Variants in PCYOX1 observed in about 807,000 individuals in gnomAD.
The protein encoded by PCYOX1 is prenylcysteine lyase.
Under a neutral mutation model 46.4 loss-of-function variants are expected in PCYOX1, and 46 were observed. That is an observed-to-expected ratio of 0.99 (90% CI 0.78 to 1.27). PCYOX1 has a LOEUF of 1.27. Among genes scored for constraint, PCYOX1 ranks in the 50% most tolerant of loss-of-function variants. The pLI, the probability that PCYOX1 is intolerant of heterozygous loss-of-function variation, is 0.00. For missense variants in PCYOX1, 658 were observed against 628.3 expected, an observed-to-expected ratio of 1.05 and a Z score of -0.51; for synonymous variants, 220 against 231.8, an observed-to-expected ratio of 0.95 and a Z score of 0.46.
intron 1 of PCYOX1, 23 bp from the exon 2 acceptor site, chr2:70,259,337 T>A (rs754563266): frequency 1.3e-6 from 2 of 1,596,660 alleles, no homozygotes; most frequent in Admixed American, 3.3e-5. Flanking sequence ...GAAAATATAA[T>A]CTTCTGTTTT....
At chr2:70,268,450 C>T (rs1310896771) in intron 3 of PCYOX1, among the ~76,000 whole-genome samples, 1 of 152,200 alleles carries the variant, frequency 6.6e-6, no homozygotes, top group Non-Finnish European at 1.5e-5. Context: ...CAGAATGTGA[C>T]TGCATATGTA....
At chr2:70,261,061 G>A (rs1362143994) in intron 2 of PCYOX1, 151 bp from the exon 3 acceptor site, 4 of 520,710 alleles carry the variant, frequency 7.7e-6, no homozygotes, top group Admixed American at 3.6e-5. Flanking sequence ...GGACAGTGTA[G>A]TGAAAGTATA....
intron 5 of PCYOX1, among the ~76,000 whole-genome samples, chr2:70,276,428 G>A (rs1175802555): frequency 2.6e-5 from 4 of 152,008 alleles, no homozygotes; most frequent in African/African-American, 7.2e-5. Flanking sequence ...GGATGGTCTC[G>A]ATCTCCTGAC....
rs771903720 is a variant in PCYOX1 at position 70,261,210 on chromosome 2, AG to A, written c.320del. On this transcript the variant is annotated splice_acceptor_variant, in intron 2 of 5. Coordinates refer to ENST00000433351, the MANE Select transcript of PCYOX1 (RefSeq NM_016297.4). LOFTEE classifies it high-confidence loss of function. ...ACTTAGCTGTGCTTTATGTTTTTGCAGGTCTCTCTGCTGTTCAGGCCTCTGG... is the reference window on the plus strand; with the variant it reads ...ACTTAGCTGTGCTTTATGTTTTTGCAGTCTCTCTGCTGTTCAGGCCTCTGG... 1.3e-5 allele frequency: 21 copies of A among 1,602,202 alleles called. No individual in the cohort carries two copies. Among genetic ancestry groups the A allele is most frequent in the Non-Finnish European group, 1.1e-5 (13 of 1,170,384 alleles).
At chr2:70,276,554 C>A (rs939491827) in intron 5 of PCYOX1, among the ~76,000 whole-genome samples, 180 bp from the exon 6 acceptor site, 3 of 152,144 alleles carry the variant, frequency 2.0e-5, no homozygotes, top group Admixed American at 1.3e-4. Flanking sequence ...TTTGTACTTA[C>A]TGACATTCTG....
Position 70,268,465 on chromosome 2 carries a change from G to C in PCYOX1, c.495-6494G>C, listed in dbSNP as rs548069252. 9.2e-5 allele frequency among the ~76,000 whole-genome samples: 14 copies of C among 152,140 alleles called. No homozygotes were observed. The South Asian group carries it at 2.9e-3, about 32-fold the overall frequency. ...CAGAATGTGACTGCATATGTATGTAGGGCCTTTAAATATGTGATTAAGTTA... is the reference window on the plus strand; with the variant it reads ...CAGAATGTGACTGCATATGTATGTACGGCCTTTAAATATGTGATTAAGTTA... On this transcript the variant is annotated intron_variant, in intron 3 of 5. Transcript: ENST00000433351.
Position 70,280,315 on chromosome 2 carries a change from TAA to T in PCYOX1, c.*2924_*2925del, listed in dbSNP as rs1696754149. 6.6e-6 allele frequency: 1 copy of T among 152,170 alleles called. No individual in the cohort carries two copies. The highest frequency in any genetic ancestry group is 6.5e-5 in the Admixed American group (1 of 15,272). The allele number at this position is 152,170 out of a possible 1,614,324, so 9.4% of individuals were successfully genotyped here. On this transcript the variant is annotated 3_prime_UTR_variant, in exon 6 of 6. Coordinates refer to ENST00000433351, the MANE Select transcript of PCYOX1 (RefSeq NM_016297.4). ...AGGTAGTTTTATGCAACTATAGTAT[TAA>T]GAGTTTTATTGGAAGAAAAAACACT...
chr2:70,265,358 T>C (rs1022626555), intron 3 of PCYOX1, among the ~76,000 whole-genome samples: 1 of 152,008 alleles, frequency 6.6e-6, no homozygotes, highest in African/African-American at 2.4e-5. Flanking sequence ...GCTTGGCTAA[T>C]TTTTTAAATT....
rs1225444168 is a variant in PCYOX1, at chr2:70,277,206, A to G, written c.1332A>G (p.Lys444=). ...LAYPHYKPPE[K]CPSIILHDRL... ...ATCCTCACTATAAGCCCCCGGAGAA[A>G]TGCCCCTCTATCATTCTCCATGATC... The change falls in exon 6 of 6, where the codon AAA becomes AAG. Residue 444 remains lysine, a synonymous_variant. Transcript: ENST00000433351. The G allele has an allele frequency of 3.7e-6, 6 of 1,614,098 alleles. No individual in the cohort carries two copies. The highest frequency in any genetic ancestry group is 4.2e-6 in the Non-Finnish European group (5 of 1,180,002).
At chr2:70,275,813 A>C in intron 5 of PCYOX1, 147 bp downstream of exon 5, 1 of 822,816 alleles carries the variant, frequency 1.2e-6, no homozygotes, top group Non-Finnish European at 1.9e-6. Flanking sequence ...AATATTCCCC[A>C]ATGGGCCAGG....
At position 70,260,939 on chromosome 2, in the gene PCYOX1, A is replaced by C. The variant is rs548567796; in HGVS notation, c.320-273A>C. 2.0e-5 allele frequency among the ~76,000 whole-genome samples: 3 copies of C among 152,268 alleles called. No individual in the cohort carries two copies. The East Asian group carries it at 5.8e-4, about 29-fold the overall frequency. ...GTACTCTGGCTTTTTTCCTTTGACT[A>C]TCCAGTTTTTTTAGACTTTTAGTCT... On this transcript the variant is annotated intron_variant, in intron 2 of 5. Coordinates refer to ENST00000433351, the MANE Select transcript of PCYOX1 (RefSeq NM_016297.4).
At chr2:70,258,106 C>T (rs904405632), upstream of PCYOX1, 14 of 1,381,376 alleles carry the variant, frequency 1.0e-5, no homozygotes, top group African/African-American at 1.5e-5. Context: ...AGCGCGCAGC[C>T]GCGCAGCGGT....
In PCYOX1 at chr2:70,258,233, A is replaced by T. The variant is rs1394638680; in HGVS notation, c.69A>T (p.Gly23=). 6.3e-7 allele frequency: 1 copy of T among 1,596,340 alleles called. No homozygotes were observed. Among genetic ancestry groups the T allele is most frequent in the African/African-American group, 1.4e-5 (1 of 73,230 alleles). Residue 23 remains glycine (G), a synonymous_variant, in exon 1 of 6, where the codon GGA becomes GGT. Transcript: ENST00000433351. Reference sequence around the variant, plus strand: ...TGTGGCTGTTGCTGTGCAGCTGCGGATGCCCCGAGGGCGCCGAGCTGCGTG... The same window carrying T: ...TGTGGCTGTTGCTGTGCAGCTGCGGTTGCCCCGAGGGCGCCGAGCTGCGTG... ...LGLWLLLCSC[G]CPEGAELRAP...
intron 2 of PCYOX1, among the ~76,000 whole-genome samples, chr2:70,260,789 TTCCACA>T (rs1411419717): frequency 6.6e-6 from 1 of 152,194 alleles, no homozygotes; most frequent in Non-Finnish European, 1.5e-5. Context: ...CTCAGCTGCC[TTCCACA>T]TCCTCTGTAG....
intron 3 of PCYOX1, among the ~76,000 whole-genome samples, chr2:70,266,159 A>G (rs1162840837): frequency 2.1e-4 from 32 of 152,118 alleles, no homozygotes; most frequent in Admixed American, 2.0e-3. Flanking sequence ...CGTTGCAGAT[A>G]TGGTTAAGGA....
chr2:70,261,323 G>C lies in PCYOX1; in HGVS notation c.431G>C (p.Arg144Pro), dbSNP rs762664098. ...FIINVIKLVW[R>P]YGFQSLRMHM... ...ATTAACGTGATTAAATTAGTTTGGC[G>C]CTATGGATTTCAATCCCTCCGTATG... is the stretch of plus-strand genomic sequence containing the variant. The change falls in exon 3 of 6, where the codon CGC becomes CCC. Residue 144 changes from arginine to proline, a missense_variant. Arg to Pro is a moderately radical substitution (Grantham distance 103, BLOSUM62 -2). Transcript: ENST00000433351. The C allele has an allele frequency of 6.2e-7, 1 of 1,612,076 alleles. No homozygotes were observed.
chr2:70,259,339 T>A (rs753030957), intron 1 of PCYOX1, 21 bp from the exon 2 acceptor site: 9 of 1,598,920 alleles, frequency 5.6e-6, no homozygotes, highest in Non-Finnish European at 6.0e-6. Context: ...AAATATAATC[T>A]TCTGTTTTTT....
intron 3 of PCYOX1, among the ~76,000 whole-genome samples, chr2:70,266,218 G>T (rs1482599826): frequency 6.6e-6 from 1 of 152,008 alleles, no homozygotes; most frequent in South Asian, 2.1e-4. Context: ...TAATCACAAG[G>T]GTCCTTAGAG....
At chr2:70,265,550 C>T (rs1696510939) in intron 3 of PCYOX1, among the ~76,000 whole-genome samples, 1 of 152,178 alleles carries the variant, frequency 6.6e-6, no homozygotes, top group African/African-American at 2.4e-5. Flanking sequence ...CAAAGCATTT[C>T]CTTAATGCTT....
Sources: gnomAD v4.1 joint callset for allele counts (sites outside exome capture counted in the v4.1 genomes callset) on GRCh38, gnomAD v4.1.1 for gene constraint, MANE v1.5 for transcripts, NCBI Gene and HGNC (gene_info 2026-07-23, HGNC 2026-07-21) for gene names.